The following HCN4 variants were observed in gnomAD, a reference collection of about 807,000 sequenced individuals.
HCN4 encodes hyperpolarization activated cyclic nucleotide gated potassium channel 4.
A neutral mutation model predicts 76.9 loss-of-function variants in HCN4; 29 were observed. That is an observed-to-expected ratio of 0.38 (90% CI 0.28 to 0.51). HCN4 has a LOEUF of 0.51. Among genes scored for constraint, HCN4 ranks in the 20% least tolerant of loss-of-function variants. The pLI is 0.90. For synonymous variants in HCN4, 772 were observed against 762.5 expected (o/e 1.01, Z -0.21); for missense variants, 1,416 against 1,715.2 (o/e 0.83, Z 3.08).
intron 4 of HCN4, among the ~76,000 whole-genome samples, chr15:73,326,907 C>G (rs1435173695): frequency 6.6e-6 from 1 of 151,792 alleles, no homozygotes; most frequent in South Asian, 2.1e-4. Flanking sequence ...CCATCTCAGC[C>G]TCCTAAACAG....
chr15:73,322,959 G>T lies in HCN4; in HGVS notation c.3134C>A (p.Ala1045Asp). 7.0e-7 allele frequency: 1 copy of T among 1,421,474 alleles called. No homozygotes were observed. Among genetic ancestry groups the T allele is most frequent in the Non-Finnish European group, 9.3e-7 (1 of 1,079,886 alleles). The allele number at this position is 1,421,474 out of a possible 1,614,324, so 88.1% of individuals were successfully genotyped here. The stretch of plus-strand genomic sequence containing the variant: ...GAGCAAGGATCCGTGGGAGCCAGAG[G>T]CCCGGGGCGGGGCACTCGGGAAGGT... The part of the protein sequence containing the change: ...PRTFPSAPPR[A>D]SGSHGSLLLP... The change falls in exon 8 of 8, where the codon GCC (alanine) becomes GAC (aspartate). Residue 1045 changes from alanine to aspartate, a missense_variant. By Grantham distance (126) the Ala-to-Asp change is moderately radical (BLOSUM62 -2). Transcript: ENST00000261917.
intron 1 of HCN4, among the ~76,000 whole-genome samples, chr15:73,360,652 C>T (rs2043101135): frequency 6.6e-6 from 1 of 152,140 alleles, no homozygotes; most frequent in African/African-American, 2.4e-5. Context: ...CTCCTTTCCT[C>T]GTCGGAGGCT....
chr15:73,367,477 G>A lies in HCN4; in HGVS notation c.785+9C>T, dbSNP rs2151228350. 6.2e-7 allele frequency: 1 copy of A among 1,612,912 alleles called. No homozygotes were observed. Among genetic ancestry groups the A allele is most frequent in the Non-Finnish European group, 8.5e-7 (1 of 1,179,930 alleles). On this transcript the variant is annotated intron_variant, in intron 1 of 7. Coordinates refer to ENST00000261917, the MANE Select transcript of HCN4 (RefSeq NM_005477.3). The surrounding 1 kb of genome is among the most constrained non-coding windows in gnomAD (Gnocchi z 7.5). ...GGGCACCCACAGGATCATCGCTGTG[G>A]CCCCTTACCTGAAGTCACTGTAGGG... is the stretch of plus-strand genomic sequence containing the variant.
Position 73,343,333 on chromosome 15 carries a change from TC to T in HCN4, c.1209+51del. The T allele has an allele frequency of 6.4e-7, 1 of 1,567,594 alleles. No homozygotes were observed. The highest frequency in any genetic ancestry group is 8.8e-7 in the Non-Finnish European group (1 of 1,141,234). ...CTGAGGTTCCCTGCCAGTTCCTCACTCCCTCTGTGGGGAGTGGCCTTTCCCC... is the reference window on the plus strand; with the variant it reads ...CTGAGGTTCCCTGCCAGTTCCTCACTCCTCTGTGGGGAGTGGCCTTTCCCC... On this transcript the variant is annotated intron_variant, in intron 2 of 7. Coordinates refer to ENST00000261917, the MANE Select transcript of HCN4 (RefSeq NM_005477.3). The surrounding 1 kb of genome is among the most constrained non-coding windows in gnomAD (Gnocchi z 5.7).
intron 1 of HCN4, among the ~76,000 whole-genome samples, chr15:73,360,883 G>A (rs900704053): frequency 6.6e-6 from 1 of 152,172 alleles, no homozygotes; most frequent in Non-Finnish European, 1.5e-5. Flanking sequence ...CATGAATGAC[G>A]TGGCTGGGTG....
chr15:73,324,562 G>A (rs974572437), intron 6 of HCN4, among the ~76,000 whole-genome samples: 1 of 152,204 alleles, frequency 6.6e-6, no homozygotes, highest in Non-Finnish European at 1.5e-5. Flanking sequence ...AGATCACGAG[G>A]GTGGAGCCCT....
At position 73,367,319 on chromosome 15, in the gene HCN4, G is replaced by T. The variant is rs1169070831; in HGVS notation, c.785+167C>A. Among the ~76,000 whole-genome samples, 1 of 152,074 alleles carries T rather than the reference G, an allele frequency of 6.6e-6. No homozygotes were observed. The highest frequency in any genetic ancestry group is 1.9e-4 in the East Asian group (1 of 5,164). Reference sequence around the variant, plus strand: ...ACCCAGAGGAAAGTTCCCCCAGCGCGGTGCAGGAGGGGGCCTGGGGGTGTC... The same window carrying T: ...ACCCAGAGGAAAGTTCCCCCAGCGCTGTGCAGGAGGGGGCCTGGGGGTGTC... On this transcript the variant is annotated intron_variant, in intron 1 of 7. Transcript: ENST00000261917. The surrounding 1 kb of genome is among the most constrained non-coding windows in gnomAD (Gnocchi z 7.5).
chr15:73,343,286 C>G lies in HCN4; in HGVS notation c.1209+99G>C. ...TTGGAGCAGGTGTGCCTGCCACAAT[C>G]TGACAGCCTATGTTCAATTATCTGA... On this transcript the variant is annotated intron_variant, in intron 2 of 7. Coordinates refer to ENST00000261917, the MANE Select transcript of HCN4 (RefSeq NM_005477.3). The surrounding 1 kb of genome is among the most constrained non-coding windows in gnomAD (Gnocchi z 5.7). 8.3e-7 allele frequency: 1 copy of G among 1,205,688 alleles called. No individual in the cohort carries two copies. Among genetic ancestry groups the G allele is most frequent in the Non-Finnish European group, 1.2e-6 (1 of 830,462 alleles). The allele number at this position is 1,205,688 out of a possible 1,614,324, so 74.7% of individuals were successfully genotyped here.
Position 73,322,488 on chromosome 15 carries a change from T to C in HCN4, c.3605A>G (p.Asn1202Ser), listed in dbSNP as rs768028811. The change falls in exon 8 of 8, where the codon AAT becomes AGT. Residue 1202 changes from asparagine (N) to serine (S), a missense_variant. Around this residue, in one of 6 missense-constraint regions of HCN4, gnomAD observed 633 missense variants for 579.8 expected, o/e 1.09. Transcript: ENST00000261917. ...PEPVRSKLPS[N>S]L is the part of the protein sequence containing the mutation. ...GGGAAGGAAGGGCCCAGCTCATAGA[T>C]TGGATGGCAGTTTGGAGCGCACTGG... 16 of 1,592,124 alleles carry C rather than the reference T, an allele frequency of 1.0e-5. No individual in the cohort carries two copies. The highest frequency in any genetic ancestry group is 8.8e-5 in the Admixed American group (5 of 57,120).
chr15:73,357,077 C>A (rs552741725), intron 1 of HCN4, among the ~76,000 whole-genome samples: 1 of 152,184 alleles, frequency 6.6e-6, no homozygotes, highest in Non-Finnish European at 1.5e-5. Context: ...CCCGGCCTCA[C>A]CCAGGGAGCC....
At chr15:73,353,420 T>TG (rs1333076247) in intron 1 of HCN4, among the ~76,000 whole-genome samples, 1 of 152,150 alleles carries the variant, frequency 6.6e-6, no homozygotes, top group Non-Finnish European at 1.5e-5. Context: ...TGGAGATCAA[T>TG]GATGAAGGTG....
At position 73,323,930 on chromosome 15, in the gene HCN4, G is replaced by A. The variant is rs1488799001; in HGVS notation, c.2163C>T (p.Leu721=). The A allele has an allele frequency of 1.2e-6, 2 of 1,604,484 alleles. No homozygotes were observed. The highest frequency in any genetic ancestry group is 1.3e-5 in the African/African-American group (1 of 74,928). Residue 721 remains leucine, a synonymous_variant, in exon 8 of 8, where the codon CTC becomes CTT. Transcript: ENST00000261917. ...LDRIGKKNSI[L]LHKVQHDLNS... ...TGAGGTCGTGCTGGACTTTGTGGAG[G>A]AGGATGGAGTTCTTCTTGCCTGGGC...
chr15:73,332,114 G>T lies in HCN4; in HGVS notation c.1371+17C>A. On this transcript the variant is annotated intron_variant, in intron 3 of 7. Coordinates refer to ENST00000261917, the MANE Select transcript of HCN4 (RefSeq NM_005477.3). ...CCGCCTATGGCCCAGAGAGAGGACCGGGCTGGGCGCACTCACCACCATGTT... is the reference window on the plus strand; with the variant it reads ...CCGCCTATGGCCCAGAGAGAGGACCTGGCTGGGCGCACTCACCACCATGTT... 3 of 1,612,564 alleles carry T rather than the reference G, an allele frequency of 1.9e-6. No homozygotes were observed. The highest frequency in any genetic ancestry group is 2.5e-6 in the Non-Finnish European group (3 of 1,179,420).
Position 73,322,860 on chromosome 15 carries a change from C to T in HCN4, c.3233G>A (p.Arg1078His), listed in dbSNP as rs1429735613. 14 of 1,491,844 alleles carry T rather than the reference C, an allele frequency of 9.4e-6. No individual in the cohort carries two copies. Among genetic ancestry groups the T allele is most frequent in the South Asian group, 4.2e-5 (3 of 71,722 alleles). The allele number at this position is 1,491,844 out of a possible 1,614,324, so 92.4% of individuals were successfully genotyped here. ...GATGAGCTTGAGGTCCTGGGTGAGG[C>T]GGCCGGGGGTGAGCGGGGGTGTGCC... ...RRGTPPLTPG[R>H]LTQDLKLISA... is the part of the protein sequence containing the mutation. Residue 1078 changes from arginine to histidine, a missense_variant, in exon 8 of 8, where the codon CGC (arginine) becomes CAC (histidine). Arg to His is a conservative substitution (Grantham distance 29, BLOSUM62 0). This residue lies in a region of HCN4 where 633 missense variants were observed against 579.8 expected (regional missense o/e 1.09). Coordinates refer to ENST00000261917, the MANE Select transcript of HCN4 (RefSeq NM_005477.3).
At chr15:73,330,522 ATG>A (rs1360675199) in intron 3 of HCN4, among the ~76,000 whole-genome samples, 11 of 152,322 alleles carry the variant, frequency 7.2e-5, no homozygotes, top group Non-Finnish European at 2.9e-5. Context: ...AATTTAGTGC[ATG>A]TGTGGGCCTG....
chr15:73,363,361 C>T (rs1161990616), intron 1 of HCN4, among the ~76,000 whole-genome samples: 1 of 152,204 alleles, frequency 6.6e-6, no homozygotes, highest in African/African-American at 2.4e-5. Flanking sequence ...GAACCCCTTT[C>T]CCCCCTCAGG....
intron 2 of HCN4, among the ~76,000 whole-genome samples, chr15:73,341,537 A>C (rs571278936): frequency 1.1e-4 from 16 of 152,346 alleles, no homozygotes; most frequent in African/African-American, 2.9e-4. Flanking sequence ...GCAGATAAAG[A>C]GACTGAGGCA....
chr15:73,355,763 A>G lies in HCN4; in HGVS notation c.785+11723T>C, dbSNP rs765410942. Among the ~76,000 whole-genome samples the G allele has an allele frequency of 9.3e-4, 142 of 152,174 alleles. 2 individuals carry two copies. Among genetic ancestry groups the G allele is most frequent in the Non-Finnish European group, 1.0e-3 (71 of 67,986 alleles). ...CACCAGTGAATATGTACATGCGCAC[A>G]CACACACACACACACACCGCCAAAC... is the stretch of plus-strand genomic sequence containing the variant. On this transcript the variant is annotated intron_variant, in intron 1 of 7. Coordinates refer to ENST00000261917, the MANE Select transcript of HCN4 (RefSeq NM_005477.3).
In HCN4 at chr15:73,367,934, T is replaced by TGCC; in HGVS notation, c.334_336dup (p.Gly112dup). On this transcript the variant is annotated inframe_insertion, in exon 1 of 8. Coordinates refer to ENST00000261917, the MANE Select transcript of HCN4 (RefSeq NM_005477.3). The surrounding 1 kb of genome is among the most constrained non-coding windows in gnomAD (Gnocchi z 7.5). The stretch of plus-strand genomic sequence containing the variant: ...TGTCCGTGACTGCTGCCGCTCCCCG[T>TGCC]GCCGCCGCTGCCGCCGCCCCGGCTG... 7.4e-7 allele frequency: 1 copy of TGCC among 1,354,870 alleles called. No individual in the cohort carries two copies. The highest frequency in any genetic ancestry group is 9.5e-7 in the Non-Finnish European group (1 of 1,057,700). 83.9% of individuals were successfully genotyped at this position (1,354,870 alleles called of 1,614,324 possible).
Sources: gnomAD v4.1 joint callset for allele counts (sites outside exome capture counted in the v4.1 genomes callset) on GRCh38, gnomAD v4.1.1 for gene constraint, gnomAD v4.1.1 regional missense constraint, Gnocchi (gnomAD v3.1) non-coding constraint, MANE v1.5 for transcripts, NCBI Gene and HGNC (gene_info 2026-07-23, HGNC 2026-07-21) for gene names.